Variants in OCA2 observed in about 807,000 individuals in gnomAD.
OCA2 encodes OCA2 melanosomal transmembrane protein, also known as P protein.
Under a neutral mutation model 100.2 loss-of-function variants are expected in OCA2, and 77 were observed. The ratio of observed to expected loss-of-function variants is 0.77; its 90% CI spans 0.64 to 0.93. The LOEUF (loss-of-function observed/expected upper bound fraction) is 0.93. Among genes scored for constraint, OCA2 ranks in the 40% least tolerant of loss-of-function variants. OCA2 has a pLI of 0.00. For missense variants in OCA2, 1,062 were observed against 1,089.1 expected, an observed-to-expected ratio of 0.98 and a Z score of 0.35; for synonymous variants, 432 against 439.2, an observed-to-expected ratio of 0.98 and a Z score of 0.21.
At chr15:27,857,587 T>TA (rs1472896845) in intron 21 of OCA2, among the ~76,000 whole-genome samples, 2 of 151,940 alleles carry the variant, frequency 1.3e-5, no homozygotes, top group African/African-American at 4.8e-5. Context: ...TACCACAATT[T>TA]AAAAAAATAA....
chr15:28,023,979 C>A (rs932289956), intron 5 of OCA2, among the ~76,000 whole-genome samples: 1 of 152,168 alleles, frequency 6.6e-6, no homozygotes, highest in African/African-American at 2.4e-5. Context: ...CACAGACACA[C>A]AACCAGACAG....
At chr15:27,804,024 A>C (rs76570201) in intron 23 of OCA2, among the ~76,000 whole-genome samples, 3,372 of 152,320 alleles carry the variant, frequency 0.022, 109 homozygotes, top group African/African-American at 0.076. Context: ...ACAGGGGTAC[A>C]TATGTGAAAA....
chr15:27,934,930 G>A (rs149886892), intron 18 of OCA2, among the ~76,000 whole-genome samples: 10 of 152,242 alleles, frequency 6.6e-5, no homozygotes, highest in East Asian at 1.9e-4. Context: ...TCAGGCTGCC[G>A]GTGCATAAGC....
chr15:27,888,468 C>T (rs2037319033), intron 19 of OCA2, among the ~76,000 whole-genome samples: 2 of 152,108 alleles, frequency 1.3e-5, no homozygotes, highest in Non-Finnish European at 2.9e-5. Context: ...GATGCCAACA[C>T]TGAGATATAT....
chr15:27,946,760 A>T (rs1173002863), intron 18 of OCA2, among the ~76,000 whole-genome samples: 1 of 152,220 alleles, frequency 6.6e-6, no homozygotes, highest in Non-Finnish European at 1.5e-5. Flanking sequence ...AGACACTAGA[A>T]TCTTTCCCAA....
chr15:27,758,558 C>T (rs1188960855), intron 23 of OCA2, among the ~76,000 whole-genome samples: 1 of 152,120 alleles, frequency 6.6e-6, no homozygotes, highest in Non-Finnish European at 1.5e-5. Flanking sequence ...GATTTCAAAG[C>T]AGCTACCATA....
intron 23 of OCA2, among the ~76,000 whole-genome samples, chr15:27,829,765 T>C (rs188484252): frequency 1.3e-5 from 2 of 152,348 alleles, no homozygotes; most frequent in Admixed American, 1.3e-4. Context: ...GCCTGTCACA[T>C]CCTTACCTGA....
intron 2 of OCA2, among the ~76,000 whole-genome samples, chr15:28,055,738 C>T (rs557997408): frequency 3.9e-5 from 6 of 152,348 alleles, no homozygotes; most frequent in African/African-American, 1.4e-4. Context: ...TCACCTGCAG[C>T]CTCCTCGAGG....
chr15:28,093,988 T>C (rs2044920174), intron 1 of OCA2, among the ~76,000 whole-genome samples: 1 of 152,172 alleles, frequency 6.6e-6, no homozygotes, highest in Non-Finnish European at 1.5e-5. Context: ...CAGAGGCCTC[T>C]GCTCACCCAG....
intron 14 of OCA2, among the ~76,000 whole-genome samples, chr15:27,968,990 A>G (rs2040676872): frequency 6.6e-6 from 1 of 150,698 alleles, no homozygotes; most frequent in South Asian, 2.1e-4. Context: ...CAGAGGCAAA[A>G]AAAAAAAAAA....
At chr15:28,079,957 C>T (rs118038694) in intron 2 of OCA2, among the ~76,000 whole-genome samples, 304 of 152,322 alleles carry the variant, frequency 2.0e-3, no homozygotes, top group Admixed American at 3.7e-3. Flanking sequence ...CCCCAGTCTG[C>T]CCCTGGTACA....
intron 9 of OCA2, among the ~76,000 whole-genome samples, chr15:28,012,754 CCTT>C (rs2042279666): frequency 6.6e-6 from 1 of 151,980 alleles, no homozygotes; most frequent in South Asian, 2.1e-4. Context: ...AGTGAACAAA[CCTT>C]AGAATAACAG....
chr15:27,975,038 C>T (rs1567179583), intron 14 of OCA2, among the ~76,000 whole-genome samples: 1 of 152,234 alleles, frequency 6.6e-6, no homozygotes, highest in Admixed American at 6.5e-5. Context: ...GTCTGACAGA[C>T]TGCTCTTTGC....
chr15:27,803,449 C>T (rs114217383), intron 23 of OCA2, among the ~76,000 whole-genome samples: 2,707 of 152,278 alleles, frequency 0.018, 96 homozygotes, highest in African/African-American at 0.061. Context: ...CTTGAGGACA[C>T]TGGCGACATA....
At chr15:27,855,827 T>A (rs2035928169) in intron 21 of OCA2, among the ~76,000 whole-genome samples, 1 of 152,176 alleles carries the variant, frequency 6.6e-6, no homozygotes, top group Non-Finnish European at 1.5e-5. Context: ...GCACAGAAGA[T>A]GGCAGAGCAG....
chr15:28,022,783 C>T (rs1354886083), intron 5 of OCA2, among the ~76,000 whole-genome samples: 1 of 152,122 alleles, frequency 6.6e-6, no homozygotes, highest in Non-Finnish European at 1.5e-5. Flanking sequence ...ATTATTGATA[C>T]CTGCCAAATT....
chr15:27,789,223 T>G (rs1595412669), intron 23 of OCA2, among the ~76,000 whole-genome samples: 3 of 131,470 alleles, frequency 2.3e-5, no homozygotes, highest in Non-Finnish European at 3.3e-5. Flanking sequence ...GGGGGGAGGG[T>G]TGGATTCAAG....
At chr15:28,056,563 T>TG (rs1368569149) in intron 2 of OCA2, among the ~76,000 whole-genome samples, 1 of 152,232 alleles carries the variant, frequency 6.6e-6, no homozygotes, top group African/African-American at 2.4e-5. Context: ...TGGGGTGACG[T>TG]GGGGGCACGC....
intron 23 of OCA2, among the ~76,000 whole-genome samples, chr15:27,832,536 G>T (rs2151320621): frequency 6.6e-6 from 1 of 152,316 alleles, no homozygotes; most frequent in Non-Finnish European, 1.5e-5. Flanking sequence ...CCTTGGGGAA[G>T]TCACACAGCT....
Sources: gnomAD v4.1 joint callset for allele counts (sites outside exome capture counted in the v4.1 genomes callset) on GRCh38, gnomAD v4.1.1 for gene constraint, MANE v1.5 for transcripts, NCBI Gene and HGNC (gene_info 2026-07-23, HGNC 2026-07-21) for gene names.